The following KDM3A variants were observed in gnomAD, a reference collection of about 807,000 sequenced individuals.
KDM3A encodes lysine-specific demethylase 3A.
A neutral mutation model predicts 158.0 loss-of-function variants in KDM3A; 60 were observed. The ratio of observed to expected loss-of-function variants is 0.38; its 90% CI spans 0.31 to 0.47. The LOEUF (loss-of-function observed/expected upper bound fraction) is 0.47. Among genes scored for constraint, KDM3A ranks in the 20% least tolerant of loss-of-function variants. KDM3A has a pLI of 0.99. For synonymous variants in KDM3A, 608 were observed against 549.3 expected (o/e 1.11, Z -1.49); for missense variants, 1,319 against 1,574.3 (o/e 0.84, Z 2.74).
At chr2:86,441,948 T>G in intron 1 of KDM3A, 70 bp from the exon 2 acceptor site, 2 of 710,686 alleles carry the variant, frequency 2.8e-6, no homozygotes, top group Non-Finnish European at 4.5e-6. Flanking sequence ...CCGCCCGCCC[T>G]CCCTGCTGTC....
At chr2:86,465,274 A>C (rs375893883) in intron 9 of KDM3A, among the ~76,000 whole-genome samples, 1 of 152,168 alleles carries the variant, frequency 6.6e-6, no homozygotes, top group African/African-American at 2.4e-5. Context: ...CAGCTATTCT[A>C]TTTGCTCTGT....
intron 12 of KDM3A, 66 bp downstream of exon 12, chr2:86,475,056 T>G (rs1211913197): frequency 2.4e-6 from 3 of 1,245,984 alleles, no homozygotes; most frequent in Non-Finnish European, 3.5e-6. Context: ...AAGTGACACC[T>G]AAGTCCTAAT....
upstream of KDM3A, among the ~76,000 whole-genome samples, chr2:86,439,945 G>A (rs1286106521): frequency 6.6e-6 from 1 of 152,146 alleles, no homozygotes; most frequent in Non-Finnish European, 1.5e-5. Context: ...TCAATTTATA[G>A]CTGGATTGTC....
chr2:86,440,675 A>C (rs1394977778), upstream of KDM3A: 1 of 152,234 alleles, frequency 6.6e-6, no homozygotes, highest in African/African-American at 2.4e-5. Context: ...GCCTTTCTTC[A>C]TTTATCCTTC....
Position 86,489,604 on chromosome 2 carries a change from T to C in KDM3A, c.3518T>C (p.Leu1173Pro). Residue 1173 changes from leucine to proline, a missense_variant, in exon 23 of 26, where the codon CTG becomes CCG. This residue lies in a region of KDM3A where 186 missense variants were observed against 340.9 expected (regional missense o/e 0.55). Coordinates refer to ENST00000312912, the MANE Select transcript of KDM3A (RefSeq NM_018433.6). Reference protein sequence around the residue: ...FIEGKEKPGALWHIYAAKDTE... With the variant: ...FIEGKEKPGAPWHIYAAKDTE... The stretch of plus-strand genomic sequence containing the variant: ...GAAGGAAAAGAGAAGCCAGGAGCAC[T>C]GTGGCACATATATGCTGCAAAGGAC... 6.2e-7 allele frequency: 1 copy of C among 1,613,990 alleles called. No individual in the cohort carries two copies. The highest frequency in any genetic ancestry group is 1.3e-5 in the African/African-American group (1 of 75,030).
Position 86,478,314 on chromosome 2 carries a change from C to T in KDM3A, c.2188+49C>T, listed in dbSNP as rs1244114357. 2.2e-6 allele frequency: 3 copies of T among 1,344,220 alleles called. No homozygotes were observed. The African/African-American group carries it at 4.3e-5, about 19-fold the overall frequency. 83.3% of individuals were successfully genotyped at this position (1,344,220 alleles called of 1,614,324 possible). On this transcript the variant is annotated intron_variant, in intron 14 of 25. Transcript: ENST00000312912. ...TTCTTTCCCCTTGTCTTGGTTAACT[C>T]ATGGGAGCTGGTAGTTTTGTTTTCC...
Position 86,485,786 on chromosome 2 carries a change from A to G in KDM3A, c.3240A>G (p.Lys1080=). Residue 1080 remains lysine (K), a synonymous_variant, in exon 21 of 26, where the codon AAA becomes AAG. Transcript: ENST00000312912. The stretch of plus-strand genomic sequence containing the variant: ...CCGAGTACACAAGGCGAGATGGCAA[A>G]CTGAATTTGGCCTCTAGGCTGCCAA... The part of the protein sequence containing the change: ...PLPEYTRRDG[K]LNLASRLPNY... 6.2e-7 allele frequency: 1 copy of G among 1,614,156 alleles called. No homozygotes were observed. The highest frequency in any genetic ancestry group is 8.5e-7 in the Non-Finnish European group (1 of 1,180,010).
intron 11 of KDM3A, 34 bp from the exon 12 acceptor site, chr2:86,474,742 T>TGTGTAAAAAA: frequency 1.8e-6 from 2 of 1,083,116 alleles, no homozygotes; most frequent in African/African-American, 1.6e-5. Flanking sequence ...TGTGTGTGTG[T>TGTGTAAAAAA]ACATTACATC....
In KDM3A at chr2:86,480,374, C is replaced by G; in HGVS notation, c.2512+12C>G. ...CAAGGAAAACAAGGGTGAGTGTTTC[C>G]TGCTTTTGTGTTTGTTCTTGAGTAT... On this transcript the variant is annotated intron_variant, in intron 16 of 25. Transcript: ENST00000312912. 6.2e-7 allele frequency: 1 copy of G among 1,604,798 alleles called. No individual in the cohort carries two copies. The highest frequency in any genetic ancestry group is 2.2e-5 in the East Asian group (1 of 44,650).
upstream of KDM3A, among the ~76,000 whole-genome samples, chr2:86,439,163 T>A (rs1165637812): frequency 6.6e-6 from 1 of 152,056 alleles, no homozygotes; most frequent in Non-Finnish European, 1.5e-5. Flanking sequence ...CTATGTAATT[T>A]AAAAATACTC....
At chr2:86,488,891 T>C (rs1674317841) in intron 21 of KDM3A, 1 of 165,248 alleles carries the variant, frequency 6.1e-6, no homozygotes, top group African/African-American at 2.4e-5. Flanking sequence ...TTGGGCAGTA[T>C]TCCTTCTTAT....
Position 86,478,038 on chromosome 2 carries a change from C to T in KDM3A, c.2092+9C>T, listed in dbSNP as rs78085050. ...AAAGAATTGCCAACAGGGTGAGAAC[C>T]GATTTGATTCTCCTCCAGCCCCTCT... On this transcript the variant is annotated intron_variant, in intron 13 of 25. Coordinates refer to ENST00000312912, the MANE Select transcript of KDM3A (RefSeq NM_018433.6). The T allele has an allele frequency of 3.4e-5, 55 of 1,613,860 alleles. No homozygotes were observed. The African/African-American group carries it at 5.5e-4, about 16-fold the overall frequency.
chr2:86,489,308 G>A lies in KDM3A; in HGVS notation c.3314-10G>A, dbSNP rs1674340944. 6.2e-7 allele frequency: 1 copy of A among 1,611,386 alleles called. No homozygotes were observed. The highest frequency in any genetic ancestry group is 8.5e-7 in the Non-Finnish European group (1 of 1,178,888). On this transcript the variant is annotated splice_polypyrimidine_tract_variant and intron_variant, in intron 21 of 25. Transcript: ENST00000312912. ...TCTTTTGTAAAACTTAAGGCACTTTGTTTTTGCAGGATTAATCACTCCTGA... is the reference window on the plus strand; with the variant it reads ...TCTTTTGTAAAACTTAAGGCACTTTATTTTTGCAGGATTAATCACTCCTGA...
chr2:86,437,549 C>T (rs940136961), upstream of KDM3A, among the ~76,000 whole-genome samples: 2 of 152,158 alleles, frequency 1.3e-5, no homozygotes, highest in Admixed American at 6.5e-5. Context: ...TTTTAATATA[C>T]ACTGGGTCTG....
At chr2:86,453,519 C>G (rs1672558189) in intron 4 of KDM3A, among the ~76,000 whole-genome samples, 1 of 152,182 alleles carries the variant, frequency 6.6e-6, no homozygotes, top group Admixed American at 6.5e-5. Context: ...ATCTGGACAA[C>G]TATCTTGCAC....
chr2:86,490,656 T>C (rs1221221211), intron 23 of KDM3A: 7 of 457,874 alleles, frequency 1.5e-5, no homozygotes, highest in Non-Finnish European at 2.7e-5. Flanking sequence ...ATGCAGAGCC[T>C]GTCAGTCATG....
intron 20 of KDM3A, among the ~76,000 whole-genome samples, chr2:86,485,302 C>A (rs1045336771): frequency 2.6e-4 from 40 of 152,126 alleles, no homozygotes; most frequent in Admixed American, 5.2e-4. Flanking sequence ...CTTTTTCTTA[C>A]AAGGCTGATT....
rs1255651609 is a variant in KDM3A at position 86,464,168 on chromosome 2, C to A, written c.959C>A (p.Pro320His). Reference sequence around the variant, plus strand: ...AAGGACCCAAGACAGCAAAGTACTCCCCAGGCTGCCAACTCTCCACCTAAC... The same window carrying A: ...AAGGACCCAAGACAGCAAAGTACTCACCAGGCTGCCAACTCTCCACCTAAC... ...PSKDPRQQST[P>H]QAANSPPNLG... The change falls in exon 9 of 26, where the codon CCC (proline) becomes CAC (histidine). Residue 320 changes from proline (P) to histidine (H), a missense_variant. Pro to His is a moderately conservative substitution (Grantham distance 77, BLOSUM62 -2). Coordinates refer to ENST00000312912, the MANE Select transcript of KDM3A (RefSeq NM_018433.6). The A allele has an allele frequency of 6.2e-7, 1 of 1,611,396 alleles. No homozygotes were observed. Among genetic ancestry groups the A allele is most frequent in the African/African-American group, 1.3e-5 (1 of 74,818 alleles).
chr2:86,452,080 A>G lies in KDM3A; in HGVS notation c.453+867A>G, dbSNP rs146667451. Among the ~76,000 whole-genome samples the G allele has an allele frequency of 1.4e-3, 214 of 152,268 alleles. 5 individuals are homozygous for G. The East Asian group carries it at 0.026, about 19-fold the overall frequency. ...CAGAGCTGCAAATAATTTGAGTTGC[A>G]TGATGCAGGTTCCCAGCTCCTAGCT... On this transcript the variant is annotated intron_variant, in intron 4 of 25. Coordinates refer to ENST00000312912, the MANE Select transcript of KDM3A (RefSeq NM_018433.6).
Sources: gnomAD v4.1 joint callset for allele counts (sites outside exome capture counted in the v4.1 genomes callset) on GRCh38, gnomAD v4.1.1 for gene constraint, gnomAD v4.1.1 regional missense constraint, MANE v1.5 for transcripts, NCBI Gene and HGNC (gene_info 2026-07-23, HGNC 2026-07-21) for gene names.